SNX6: variants seen among roughly 807,000 people sequenced by gnomAD.
SNX6 encodes sorting nexin 6.
A neutral mutation model predicts 63.0 loss-of-function variants in SNX6; 34 were observed. The observed-to-expected ratio is 0.54, with a 90% CI of 0.41 to 0.72. The LOEUF (loss-of-function observed/expected upper bound fraction) is 0.72, where lower values mean the gene tolerates loss of function less well. Among genes scored for constraint, SNX6 ranks in the 30% least tolerant of loss-of-function variants. SNX6 has a pLI of 0.00. For synonymous variants in SNX6, 170 were observed against 164.2 expected (o/e 1.04, Z -0.27); for missense variants, 398 against 471.4 (o/e 0.84, Z 1.44).
Position 34,562,885 on chromosome 14 carries a change from T to C in SNX6, c.*237A>G. The C allele has an allele frequency of 2.0e-6, 1 of 500,356 alleles. No homozygotes were observed. The highest frequency in any genetic ancestry group is 3.6e-6 in the Non-Finnish European group (1 of 279,760). 31.0% of individuals were successfully genotyped at this position (500,356 alleles called of 1,614,324 possible). On this transcript the variant is annotated 3_prime_UTR_variant, in exon 14 of 14. Coordinates refer to ENST00000362031, the MANE Select transcript of SNX6 (RefSeq NM_152233.4). ...AGAATGAACTTTGGACTTCTGAGTATGACGAGTGCACGATGATGGACCACT... is the reference window on the plus strand; with the variant it reads ...AGAATGAACTTTGGACTTCTGAGTACGACGAGTGCACGATGATGGACCACT...
At position 34,568,451 on chromosome 14, in the gene SNX6, G is replaced by A. The variant is rs140058778; in HGVS notation, c.922-438C>T. On this transcript the variant is annotated intron_variant, in intron 11 of 13. Transcript: ENST00000362031. ...TCACCACGTTAGCCAGGATGGTCTC[G>A]ATCTCTTGACCTCGTGATCCACCCG... Among the ~76,000 whole-genome samples the A allele has an allele frequency of 6.1e-3, 931 of 151,848 alleles. 7 individuals carry two copies. Among genetic ancestry groups the A allele is most frequent in the African/African-American group, 0.021 (881 of 41,426 alleles).
At position 34,622,302 on chromosome 14, in the gene SNX6, C is replaced by T. The variant is rs371625081; in HGVS notation, c.54+7605G>A. ...TAGCTTAAAATTCCTCAGTACTGGC[C>T]GGGCACGGTGGCTCATGCATGTAAT... is the stretch of plus-strand genomic sequence containing the variant. On this transcript the variant is annotated intron_variant, in intron 2 of 13. Transcript: ENST00000362031. Among the ~76,000 whole-genome samples the T allele has an allele frequency of 1.3e-3, 197 of 149,954 alleles. 1 individual carries two copies. The South Asian group carries it at 0.023, about 18-fold the overall frequency.
At chr14:34,612,619 A>C (rs1216766816) in intron 2 of SNX6, among the ~76,000 whole-genome samples, 1 of 151,938 alleles carries the variant, frequency 6.6e-6, no homozygotes. Flanking sequence ...TTTTTAGTAG[A>C]GATGGGCTTT....
At chr14:34,613,765 C>T (rs1200142262) in intron 2 of SNX6, among the ~76,000 whole-genome samples, 1 of 151,850 alleles carries the variant, frequency 6.6e-6, no homozygotes, top group Non-Finnish European at 1.5e-5. Flanking sequence ...TGCACTCCAG[C>T]CTGGGCAAGA....
chr14:34,585,485 A>T (rs564742391), intron 9 of SNX6, among the ~76,000 whole-genome samples: 11 of 152,266 alleles, frequency 7.2e-5, no homozygotes, highest in Non-Finnish European at 1.3e-4. Flanking sequence ...GTGCCACTGC[A>T]CTCCAGCCTG....
At chr14:34,564,953 T>C (rs1881103519) in intron 13 of SNX6, among the ~76,000 whole-genome samples, 1 of 152,100 alleles carries the variant, frequency 6.6e-6, no homozygotes, top group Non-Finnish European at 1.5e-5. Context: ...AACAACTCCA[T>C]TATGCTACTA....
chr14:34,592,466 T>C (rs967026096), intron 8 of SNX6, among the ~76,000 whole-genome samples: 2 of 152,172 alleles, frequency 1.3e-5, no homozygotes, highest in Admixed American at 6.5e-5. Context: ...ACTTGATTTG[T>C]ATGTAATTAC....
rs1881673776 is a variant in SNX6 at position 34,575,847 on chromosome 14, AAAG to A, written c.835-8_835-6del. On this transcript the variant is annotated splice_region_variant and splice_polypyrimidine_tract_variant and intron_variant, in intron 10 of 13. Transcript: ENST00000362031. Reference sequence around the variant, plus strand: ...AGACACTCGTGCTTCTATTTTCTGAAAAGAAGGAAAAAATTGAATATTTAATCA... The same window carrying A: ...AGACACTCGTGCTTCTATTTTCTGAAAAGGAAAAAATTGAATATTTAATCA... 1 of 1,543,868 alleles carries A rather than the reference AAAG, an allele frequency of 6.5e-7. No individual in the cohort carries two copies.
chr14:34,567,620 T>C, intron 13 of SNX6, 66 bp downstream of exon 13: 1 of 1,221,570 alleles, frequency 8.2e-7, no homozygotes, highest in Non-Finnish European at 1.2e-6. Context: ...GAATTATCAA[T>C]GTCATAACTG....
At chr14:34,589,098 C>T in intron 8 of SNX6, among the ~76,000 whole-genome samples, 1 of 152,010 alleles carries the variant, frequency 6.6e-6, no homozygotes. Flanking sequence ...CACGTCACTG[C>T]ACTCCAGCCT....
rs375790100 is a variant in SNX6 at position 34,619,220 on chromosome 14, G to A, written c.55-9478C>T. Among the ~76,000 whole-genome samples the A allele has an allele frequency of 4.6e-5, 7 of 152,230 alleles. No individual in the cohort carries two copies. The East Asian group carries it at 1.4e-3, about 29-fold the overall frequency. ...GGGCAGATCACAAGGTCAGGAGTCT[G>A]AGACCAGCCTGGCCAACATGGTGAA... On this transcript the variant is annotated intron_variant, in intron 2 of 13. Coordinates refer to ENST00000362031, the MANE Select transcript of SNX6 (RefSeq NM_152233.4).
chr14:34,610,753 G>C (rs72675226), intron 2 of SNX6, among the ~76,000 whole-genome samples: 23,327 of 151,868 alleles, frequency 0.15, 1,889 homozygotes, highest in East Asian at 0.17. Context: ...TAAATAACTT[G>C]TTTGGGTAAT....
intron 2 of SNX6, among the ~76,000 whole-genome samples, chr14:34,610,381 C>CAA (rs1168769009): frequency 7.7e-6 from 1 of 129,696 alleles, no homozygotes. Context: ...AAACTTCTTC[C>CAA]AAAAAAAAAA....
In SNX6 at chr14:34,585,444, T is replaced by C. The variant is rs149130683; in HGVS notation, c.794+786A>G. Among the ~76,000 whole-genome samples, 31 of 152,074 alleles carry C rather than the reference T, an allele frequency of 2.0e-4. No homozygotes were observed. The East Asian group carries it at 6.1e-3, about 30-fold the overall frequency. ...CTGAGGTGGGAGAACTGCTTGAACG[T>C]GGAAGGAGAATGTTGCAGAGAGCCA... On this transcript the variant is annotated intron_variant, in intron 9 of 13. Coordinates refer to ENST00000362031, the MANE Select transcript of SNX6 (RefSeq NM_152233.4).
chr14:34,629,061 G>A (rs184095186), intron 2 of SNX6, among the ~76,000 whole-genome samples: 6 of 152,000 alleles, frequency 3.9e-5, no homozygotes, highest in Admixed American at 3.3e-4. Flanking sequence ...GTGTGTATGT[G>A]GGGGGTGAGT....
intron 10 of SNX6, among the ~76,000 whole-genome samples, chr14:34,576,200 C>A (rs968694200): frequency 5.9e-5 from 9 of 151,988 alleles, no homozygotes; most frequent in Non-Finnish European, 1.2e-4. Flanking sequence ...GTTGGGATTA[C>A]AGGCGTGAGC....
In SNX6 at chr14:34,582,451, C is replaced by T. The variant is rs118029485; in HGVS notation, c.795-851G>A. 1.8e-3 allele frequency among the ~76,000 whole-genome samples: 272 copies of T among 152,238 alleles called. 3 individuals carry two copies. In the East Asian group the frequency reaches 0.048, roughly 27 times the overall value. On this transcript the variant is annotated intron_variant, in intron 9 of 13. Transcript: ENST00000362031. Reference sequence around the variant, plus strand: ...TGGACTCCTGATCTCAAGTGATCTGCCCGCAGTGGCCTCCCAAACTGCTGA... The same window carrying T: ...TGGACTCCTGATCTCAAGTGATCTGTCCGCAGTGGCCTCCCAAACTGCTGA...
intron 11 of SNX6, chr14:34,568,769 C>A: frequency 1.1e-6 from 1 of 917,592 alleles, no homozygotes; most frequent in Non-Finnish European, 1.8e-6. Flanking sequence ...AGTTTGCGGC[C>A]CCCATCTTGG....
chr14:34,567,025 C>T (rs565677640), intron 13 of SNX6, among the ~76,000 whole-genome samples: 18 of 151,742 alleles, frequency 1.2e-4, no homozygotes, highest in Non-Finnish European at 2.5e-4. Flanking sequence ...GAGTTCGAGA[C>T]CAGTCTGGCT....
Sources: gnomAD v4.1 joint callset for allele counts (sites outside exome capture counted in the v4.1 genomes callset) on GRCh38, gnomAD v4.1.1 for gene constraint, MANE v1.5 for transcripts, NCBI Gene and HGNC (gene_info 2026-07-23, HGNC 2026-07-21) for gene names.